Variants in ETS1 observed in about 807,000 individuals in gnomAD.
ETS1 encodes ETS proto-oncogene 1, transcription factor.
A neutral mutation model predicts 58.6 loss-of-function variants in ETS1; 15 were observed. The observed-to-expected ratio is 0.26, with a 90% confidence interval of 0.17 to 0.39. The LOEUF (loss-of-function observed/expected upper bound fraction) is 0.39. ETS1 is among the 10% of genes least tolerant of loss of function. The probability of loss-of-function intolerance (pLI) is 1.00; values close to 1 mark genes in which losing one functional copy is unlikely to be tolerated. For missense variants in ETS1, 417 were observed against 610.5 expected (o/e 0.68, Z 3.34); for synonymous variants, 214 against 218.2 (o/e 0.98, Z 0.17).
intron 1 of ETS1, among the ~76,000 whole-genome samples, chr11:128,585,332 C>CAAGGAAGGAAGGAAGGAAGG: frequency 7.3e-6 from 1 of 137,350 alleles, no homozygotes; most frequent in East Asian, 2.2e-4. Context: ...AGGAAGGAAG[C>CAAGGAAGGAAGGAAGGAAGG]AAGGAAGGAA....
chr11:128,583,979 T>C (rs1266798509), intron 1 of ETS1, among the ~76,000 whole-genome samples: 1 of 152,248 alleles, frequency 6.6e-6, no homozygotes, highest in African/African-American at 2.4e-5. Flanking sequence ...TATACTACAC[T>C]ACTTAATAAT....
chr11:128,492,964 C>T (rs1862842798), intron 3 of ETS1, among the ~76,000 whole-genome samples: 1 of 152,182 alleles, frequency 6.6e-6, no homozygotes, highest in Non-Finnish European at 1.5e-5. Context: ...TCCCTTCACC[C>T]CCATCCAACA....
At chr11:128,526,734 T>C (rs1264903189) in intron 3 of ETS1, 1 of 346,930 alleles carries the variant, frequency 2.9e-6, no homozygotes, top group African/African-American at 2.2e-5. Flanking sequence ...TTTATATTTG[T>C]TTTGAGTCAC....
chr11:128,488,133 C>T (rs968479199), intron 5 of ETS1, among the ~76,000 whole-genome samples: 2 of 152,124 alleles, frequency 1.3e-5, no homozygotes, highest in African/African-American at 4.8e-5. Context: ...AGGAGCCTGC[C>T]GTATCGTTTC....
chr11:128,490,038 C>T (rs546752908), intron 4 of ETS1, among the ~76,000 whole-genome samples: 1 of 152,234 alleles, frequency 6.6e-6, no homozygotes, highest in Non-Finnish European at 1.5e-5. Context: ...AGATACTCTG[C>T]AAAGTCTGTA....
intron 3 of ETS1, 31 bp downstream of exon 3, chr11:128,556,260 C>G: frequency 1.9e-6 from 3 of 1,582,916 alleles, no homozygotes; most frequent in South Asian, 2.3e-5. Flanking sequence ...TCAACTCTAT[C>G]CTCATTCCCA....
intron 8 of ETS1, among the ~76,000 whole-genome samples, chr11:128,477,452 T>C (rs978192804): frequency 6.6e-6 from 1 of 152,196 alleles, no homozygotes; most frequent in Non-Finnish European, 1.5e-5. Context: ...GGCACTCTAG[T>C]GACTGCCTCA....
chr11:128,473,162 A>G (rs555741827), intron 8 of ETS1, among the ~76,000 whole-genome samples: 2 of 152,244 alleles, frequency 1.3e-5, no homozygotes, highest in African/African-American at 4.8e-5. Context: ...GGAACTTAAT[A>G]CATCTGGGAT....
At chr11:128,529,149 A>C (rs1294193689) in intron 3 of ETS1, 1 of 152,224 alleles carries the variant, frequency 6.6e-6, no homozygotes, top group African/African-American at 2.4e-5. Flanking sequence ...AATGAACTCA[A>C]TTTCCTCCAT....
chr11:128,573,294 C>G (rs1045292810), intron 1 of ETS1, 150 bp from the exon 2 acceptor site: 1 of 621,058 alleles, frequency 1.6e-6, no homozygotes, highest in Non-Finnish European at 2.9e-6. Context: ...AATGGAAATT[C>G]AGAAAGATCA....
chr11:128,487,683 G>A (rs1054555487), intron 5 of ETS1, among the ~76,000 whole-genome samples: 17 of 152,216 alleles, frequency 1.1e-4, no homozygotes, highest in African/African-American at 3.6e-4. Flanking sequence ...AGGTTGCAGT[G>A]AGCCGACATC....
intron 3 of ETS1, among the ~76,000 whole-genome samples, chr11:128,541,560 T>G (rs1050369611): frequency 1.3e-5 from 2 of 152,256 alleles, no homozygotes; most frequent in African/African-American, 4.8e-5. Context: ...TCTGAGCTGA[T>G]CTTTGGGTTT....
intron 8 of ETS1, 152 bp downstream of exon 8, chr11:128,480,039 A>G (rs1862438156): frequency 1.0e-6 from 1 of 1,000,654 alleles, no homozygotes; most frequent in South Asian, 1.7e-5. Context: ...GTGGCTGGAG[A>G]GAGACTAAAG....
At chr11:128,547,590 A>G (rs1349269697) in intron 3 of ETS1, among the ~76,000 whole-genome samples, 1 of 152,056 alleles carries the variant, frequency 6.6e-6, no homozygotes, top group African/African-American at 2.4e-5. Context: ...CTCAGGAGGT[A>G]TGGAAAAGAC....
chr11:128,482,566 C>A (rs944127917), intron 7 of ETS1, among the ~76,000 whole-genome samples: 5 of 152,180 alleles, frequency 3.3e-5, no homozygotes, highest in Non-Finnish European at 5.9e-5. Flanking sequence ...CAGTCTCTGG[C>A]AACCCCCCAA....
intron 2 of ETS1, among the ~76,000 whole-genome samples, chr11:128,569,960 G>A (rs2135576256): frequency 6.6e-6 from 1 of 152,320 alleles, no homozygotes; most frequent in Non-Finnish European, 1.5e-5. Flanking sequence ...ATGGGTGGGA[G>A]TAAACGGATT....
chr11:128,522,717 C>T (rs892023594), intron 3 of ETS1, among the ~76,000 whole-genome samples: 1 of 152,216 alleles, frequency 6.6e-6, no homozygotes, highest in Admixed American at 6.5e-5. Flanking sequence ...CCCGCTCTCG[C>T]CCCCTCCCAG....
At chr11:128,541,136 T>C (rs990582249) in intron 3 of ETS1, among the ~76,000 whole-genome samples, 22 of 152,130 alleles carry the variant, frequency 1.4e-4, no homozygotes, top group African/African-American at 5.3e-4. Flanking sequence ...CTCTCATCAT[T>C]CCCAGTCCCC....
intron 1 of ETS1, among the ~76,000 whole-genome samples, chr11:128,578,807 T>C (rs1864804313): frequency 6.6e-6 from 1 of 152,220 alleles, no homozygotes; most frequent in African/African-American, 2.4e-5. Context: ...AATGTGGCTG[T>C]CTATCCTAAA....
Sources: gnomAD v4.1 joint callset for allele counts (sites outside exome capture counted in the v4.1 genomes callset) on GRCh38, gnomAD v4.1.1 for gene constraint, MANE v1.5 for transcripts, NCBI Gene and HGNC (gene_info 2026-07-23, HGNC 2026-07-21) for gene names.